MITF: variants seen among roughly 807,000 people sequenced by gnomAD.
MITF encodes the protein melanocyte inducing transcription factor.
Under a neutral mutation model 60.5 loss-of-function variants are expected in MITF, and 17 were observed. That is an observed-to-expected ratio of 0.28 (90% CI 0.19 to 0.42). MITF has a LOEUF of 0.42. Among genes scored for constraint, MITF ranks in the 10% least tolerant of loss-of-function variants. The pLI is 1.00. For missense variants in MITF, 622 were observed against 683.5 expected, an observed-to-expected ratio of 0.91 and a Z score of 1.00; for synonymous variants, 260 against 248.5, an observed-to-expected ratio of 1.05 and a Z score of -0.43.
chr3:69,829,373 C>T (rs1387885791), intron 1 of MITF, among the ~76,000 whole-genome samples: 1 of 152,048 alleles, frequency 6.6e-6, no homozygotes, highest in African/African-American at 2.4e-5. Flanking sequence ...GCTTGTATTG[C>T]ATTGAGATTT....
At chr3:69,900,941 C>G (rs2064981459) in intron 2 of MITF, among the ~76,000 whole-genome samples, 2 of 151,964 alleles carry the variant, frequency 1.3e-5, no homozygotes, top group African/African-American at 4.8e-5. Context: ...TTTAACACAC[C>G]TTGAGCACCA....
chr3:69,938,077 T>C, intron 3 of MITF, 28 bp downstream of exon 3: 1 of 1,600,090 alleles, frequency 6.2e-7, no homozygotes, highest in Non-Finnish European at 8.6e-7. Context: ...TCCTCTCCTG[T>C]TTTCTTATGC....
intron 1 of MITF, among the ~76,000 whole-genome samples, chr3:69,830,420 G>T (rs1472177357): frequency 6.6e-6 from 1 of 152,132 alleles, no homozygotes; most frequent in Non-Finnish European, 1.5e-5. Flanking sequence ...TTGCTCAGAT[G>T]TCATCCTCTG....
At chr3:69,921,123 C>T (rs780851213) in intron 2 of MITF, among the ~76,000 whole-genome samples, 8 of 152,186 alleles carry the variant, frequency 5.3e-5, no homozygotes, top group African/African-American at 9.7e-5. Context: ...CCATCTGCCT[C>T]GGCCTCCCAA....
chr3:69,833,423 C>T (rs1329029484), intron 1 of MITF, among the ~76,000 whole-genome samples: 1 of 151,986 alleles, frequency 6.6e-6, no homozygotes, highest in Non-Finnish European at 1.5e-5. Context: ...TCCCCGTTTA[C>T]ACTGTATGTG....
At chr3:69,955,540 G>C (rs529618753) in intron 7 of MITF, among the ~76,000 whole-genome samples, 1 of 152,094 alleles carries the variant, frequency 6.6e-6, no homozygotes, top group Admixed American at 6.6e-5. Context: ...AAGGCCGGAC[G>C]CAGTGGCTCA....
chr3:69,892,369 G>T (rs983113931), intron 2 of MITF, among the ~76,000 whole-genome samples: 6 of 152,172 alleles, frequency 3.9e-5, no homozygotes, highest in Non-Finnish European at 5.9e-5. Flanking sequence ...CCCTGCCCAT[G>T]CATATTCACA....
chr3:69,792,689 AT>A (rs1158041013), intron 1 of MITF, among the ~76,000 whole-genome samples: 1 of 152,116 alleles, frequency 6.6e-6, no homozygotes, highest in Non-Finnish European at 1.5e-5. Flanking sequence ...CTTCCCTGGC[AT>A]TATTTTATTG....
intron 1 of MITF, among the ~76,000 whole-genome samples, chr3:69,857,447 A>T (rs990703086): frequency 6.6e-6 from 1 of 152,280 alleles, no homozygotes. Flanking sequence ...TCAGTGTGAC[A>T]ATATGATAAA....
Position 69,879,309 on chromosome 3 carries a change from C to G in MITF, c.280C>G (p.Gln94Glu), listed in dbSNP as rs769908514. ...QFMQQRVPVS[Q>E]TPAINVSVPT... is the part of the protein sequence containing the mutation. The stretch of plus-strand genomic sequence containing the variant: ...CATGCAACAGAGAGTGCCCGTGAGT[C>G]AGACACCAGCCATAAACGTCAGTGT... Residue 94 changes from glutamine to glutamate, a missense_variant, in exon 2 of 10, where the codon CAG becomes GAG. Physicochemically the swap from Gln to Glu is conservative, Grantham distance 29. This residue lies in a region of MITF where 149 missense variants were observed against 157.8 expected (regional missense o/e 0.94). Transcript: ENST00000352241. 1.1e-5 allele frequency: 18 copies of G among 1,614,198 alleles called. No individual in the cohort carries two copies. Among genetic ancestry groups the G allele is most frequent in the Non-Finnish European group, 1.5e-5 (18 of 1,180,038 alleles).
chr3:69,940,193 A>G (rs1056810974), intron 4 of MITF, among the ~76,000 whole-genome samples: 5 of 152,318 alleles, frequency 3.3e-5, no homozygotes, highest in Admixed American at 2.6e-4. Flanking sequence ...AAAAGATTGG[A>G]GGCTTTGCCC....
rs540277056 is a variant in MITF, at chr3:69,926,636, T to A, written c.355-11186T>A. Among the ~76,000 whole-genome samples the A allele has an allele frequency of 2.0e-5, 3 of 152,126 alleles. No individual in the cohort carries two copies. The South Asian group carries it at 6.2e-4, about 32-fold the overall frequency. On this transcript the variant is annotated intron_variant, in intron 2 of 9. Coordinates refer to ENST00000352241, the MANE Select transcript of MITF (RefSeq NM_001354604.2). Reference sequence around the variant, plus strand: ...TGGGGCACGTGGAAAAGTTCTAGCATGTGGAATGCTGCACTCGCAGCTCCC... The same window carrying A: ...TGGGGCACGTGGAAAAGTTCTAGCAAGTGGAATGCTGCACTCGCAGCTCCC...
At chr3:69,884,886 A>C (rs1273378836) in intron 2 of MITF, among the ~76,000 whole-genome samples, 1 of 152,204 alleles carries the variant, frequency 6.6e-6, no homozygotes, top group East Asian at 1.9e-4. Flanking sequence ...GAGACCAACT[A>C]TCTGAAACAA....
At chr3:69,799,101 T>C (rs533609009) in intron 1 of MITF, among the ~76,000 whole-genome samples, 1 of 152,146 alleles carries the variant, frequency 6.6e-6, no homozygotes, top group South Asian at 2.1e-4. Flanking sequence ...AGGGAGTGAG[T>C]GAATAAATGA....
At position 69,964,571 on chromosome 3, in the gene MITF, A is replaced by G. The variant is rs565861193; in HGVS notation, c.1180-276A>G. The stretch of plus-strand genomic sequence containing the variant: ...TGAAATGAAGCTGCAGATATTTCCC[A>G]TACACCTCATTCCCCCAAGCACGCA... On this transcript the variant is annotated intron_variant, in intron 9 of 9. Transcript: ENST00000352241. Among the ~76,000 whole-genome samples the G allele has an allele frequency of 1.1e-3, 141 of 133,490 alleles. 34 individuals carry two copies. The highest frequency in any genetic ancestry group is 3.0e-3 in the Admixed American group (40 of 13,230). The allele number at this position is 133,490 out of a possible 152,430, so 87.6% of individuals were successfully genotyped here. A position where few individuals can be genotyped will look rare whatever the true frequency, so the allele number is the denominator to read the frequency against.
At chr3:69,828,816 T>C (rs2063397739) in intron 1 of MITF, among the ~76,000 whole-genome samples, 1 of 152,232 alleles carries the variant, frequency 6.6e-6, no homozygotes, top group Non-Finnish European at 1.5e-5. Context: ...ATGAACTTGC[T>C]AATTTTATTC....
At chr3:69,865,822 C>A (rs566822839) in intron 1 of MITF, among the ~76,000 whole-genome samples, 1 of 152,280 alleles carries the variant, frequency 6.6e-6, no homozygotes, top group South Asian at 2.1e-4. Flanking sequence ...CCCGAGAGCT[C>A]CCAAACTGAG....
intron 2 of MITF, among the ~76,000 whole-genome samples, chr3:69,902,991 T>G (rs2065025953): frequency 6.6e-6 from 1 of 152,236 alleles, no homozygotes; most frequent in South Asian, 2.1e-4. Flanking sequence ...TCGTGTTTTA[T>G]TATTTCAATG....
intron 5 of MITF, among the ~76,000 whole-genome samples, chr3:69,943,747 C>G (rs1278881654): frequency 6.6e-6 from 1 of 152,000 alleles, no homozygotes; most frequent in African/African-American, 2.4e-5. Flanking sequence ...TTCCACATAC[C>G]ACCCCTTCTG....
Sources: gnomAD v4.1 joint callset for allele counts (sites outside exome capture counted in the v4.1 genomes callset) on GRCh38, gnomAD v4.1.1 for gene constraint, gnomAD v4.1.1 regional missense constraint, MANE v1.5 for transcripts, NCBI Gene and HGNC (gene_info 2026-07-23, HGNC 2026-07-21) for gene names.